The following KCNN1 variants were observed in gnomAD, a reference collection of about 807,000 sequenced individuals.
KCNN1 encodes the protein potassium calcium-activated channel subfamily N member 1.
KCNN1 carries 20 observed loss-of-function variants against 44.7 expected under a neutral mutation model. The ratio of observed to expected loss-of-function variants is 0.45; its 90% CI spans 0.32 to 0.65. KCNN1 has a LOEUF of 0.65. KCNN1 is among the 30% of genes least tolerant of loss of function. KCNN1 has a pLI of 0.05. For missense variants in KCNN1, 632 were observed against 785.3 expected (o/e 0.80, Z 2.33); for synonymous variants, 324 against 341.7 (o/e 0.95, Z 0.57).
chr19:17,988,367 G>A, intron 5 of KCNN1, 48 bp from the exon 6 acceptor site: 1 of 1,492,616 alleles, frequency 6.7e-7, no homozygotes, highest in Non-Finnish European at 9.2e-7. Flanking sequence ...GGAGGAGGGA[G>A]TGACCTCAAG....
At chr19:17,987,115 CT>C (rs796678708) in intron 5 of KCNN1, among the ~76,000 whole-genome samples, 191 of 141,374 alleles carry the variant, frequency 1.4e-3, no homozygotes, top group East Asian at 1.7e-3. Context: ...CCCTTTTTTT[CT>C]TTTTTTTTTT....
intron 5 of KCNN1, 49 bp from the exon 6 acceptor site, chr19:17,988,366 A>T (rs1158242497): frequency 1.4e-6 from 2 of 1,476,504 alleles, no homozygotes; most frequent in Non-Finnish European, 1.9e-6. Context: ...TGGAGGAGGG[A>T]GTGACCTCAA....
At chr19:17,986,593 CCT>C (rs1277716581) in intron 5 of KCNN1, among the ~76,000 whole-genome samples, 10 of 152,120 alleles carry the variant, frequency 6.6e-5, no homozygotes, top group East Asian at 1.9e-4. Context: ...CTGTCCATCC[CCT>C]CTTTCCAGAG....
intron 2 of KCNN1, among the ~76,000 whole-genome samples, chr19:17,955,632 G>A (rs952209487): frequency 1.3e-5 from 2 of 150,582 alleles, no homozygotes; most frequent in African/African-American, 4.9e-5. Context: ...TATATATCAT[G>A]ATGATGATAG....
At position 17,998,403 on chromosome 19, in the gene KCNN1, G is replaced by T; in HGVS notation, c.1629G>T (p.Gly543=). 6.8e-7 allele frequency: 1 copy of T among 1,472,728 alleles called. No individual in the cohort carries two copies. The highest frequency in any genetic ancestry group is 8.9e-7 in the Non-Finnish European group (1 of 1,118,846). 91.2% of individuals were successfully genotyped at this position (1,472,728 alleles called of 1,614,324 possible). ...CGCCCGTGGCCCCCTCGGACTGCGG[G>T]TGACGGCCCTGCCCGCCACCAGACC... ...RWTPVAPSDC[G] is the part of the protein sequence containing the mutation. Residue 543 remains glycine, a synonymous_variant, in exon 10 of 10, where the codon GGG becomes GGT. Coordinates refer to ENST00000684775, the MANE Select transcript of KCNN1 (RefSeq NM_001386974.1). This position sits in a 1 kb window ranked among gnomAD's most constrained non-coding sequence, Gnocchi z 5.4.
rs1200829402 is a variant in KCNN1, at chr19:17,967,293, C to G, written c.-106C>G. 7 of 985,380 alleles carry G rather than the reference C, an allele frequency of 7.1e-6. No individual in the cohort carries two copies. The highest frequency in any genetic ancestry group is 4.6e-5 in the South Asian group (1 of 21,616). 61.0% of individuals were successfully genotyped at this position (985,380 alleles called of 1,614,324 possible). On this transcript the variant is annotated 5_prime_UTR_variant, in exon 1 of 10. Coordinates refer to ENST00000684775, the MANE Select transcript of KCNN1 (RefSeq NM_001386974.1). ...GGACCCTCTCCCCTCCAGCCTTGTC[C>G]GCCCGCTCGGGCCGAGCCCCGCAGG... is the stretch of plus-strand genomic sequence containing the variant.
At position 17,993,141 on chromosome 19, in the gene KCNN1, G is replaced by C; in HGVS notation, c.1307+79G>C. 2 of 1,553,706 alleles carry C rather than the reference G, an allele frequency of 1.3e-6. No homozygotes were observed. Among genetic ancestry groups the C allele is most frequent in the South Asian group, 2.3e-5 (2 of 88,832 alleles). On this transcript the variant is annotated intron_variant, in intron 8 of 9. Coordinates refer to ENST00000684775, the MANE Select transcript of KCNN1 (RefSeq NM_001386974.1). This position sits in a 1 kb window ranked among gnomAD's most constrained non-coding sequence, Gnocchi z 4.5. ...GTCACAGACAGGGGGTACACCCGGGGCATGCCAACCCCAGCCTCAGAGGCG... is the reference window on the plus strand; with the variant it reads ...GTCACAGACAGGGGGTACACCCGGGCCATGCCAACCCCAGCCTCAGAGGCG...
rs1347018004 is a variant in KCNN1, at chr19:17,993,189, T to C, written c.1307+127T>C. On this transcript the variant is annotated intron_variant, in intron 8 of 9. Transcript: ENST00000684775. This position sits in a 1 kb window ranked among gnomAD's most constrained non-coding sequence, Gnocchi z 4.5. ...GCGGGCAGGGTTCACATCTGCCCCA[T>C]GGATCCGTGCAGGCTTCACCTTGGT... 3 of 1,147,076 alleles carry C rather than the reference T, an allele frequency of 2.6e-6. No individual in the cohort carries two copies. In the East Asian group the frequency reaches 7.4e-5, roughly 28 times the overall value. 71.1% of individuals were successfully genotyped at this position (1,147,076 alleles called of 1,614,324 possible). A position where few individuals can be genotyped will look rare whatever the true frequency, so the allele number is the denominator to read the frequency against.
intron 1 of KCNN1, among the ~76,000 whole-genome samples, chr19:17,969,558 C>T (rs189029265): frequency 5.3e-5 from 8 of 152,336 alleles, no homozygotes; most frequent in African/African-American, 1.7e-4. Context: ...CTCCCCACCC[C>T]CTCCCTGCCC....
intron 6 of KCNN1, among the ~76,000 whole-genome samples, chr19:17,989,318 C>T (rs1411410146): frequency 6.6e-6 from 1 of 152,154 alleles, no homozygotes; most frequent in South Asian, 2.1e-4. Flanking sequence ...ATTAGCTGAG[C>T]GTGATCGCAG....
rs2032157598 is a variant in KCNN1, at chr19:17,974,988, C to T, written c.403-104C>T. Reference sequence around the variant, plus strand: ...GTGGGAGAAGCCACTGGGAAGAGCCCCATTTAGCTGACTCCCATGCCCGGG... The same window carrying T: ...GTGGGAGAAGCCACTGGGAAGAGCCTCATTTAGCTGACTCCCATGCCCGGG... On this transcript the variant is annotated intron_variant, in intron 2 of 9. Transcript: ENST00000684775. This position sits in a 1 kb window ranked among gnomAD's most constrained non-coding sequence, Gnocchi z 7.3. 2.5e-6 allele frequency: 2 copies of T among 812,592 alleles called. No homozygotes were observed. The highest frequency in any genetic ancestry group is 4.2e-6 in the Non-Finnish European group (2 of 471,350). 50.3% of individuals were successfully genotyped at this position (812,592 alleles called of 1,614,324 possible). A position where few individuals can be genotyped will look rare whatever the true frequency, so the allele number is the denominator to read the frequency against.
At chr19:17,989,919 CTCT>C in intron 7 of KCNN1, 76 bp downstream of exon 7, 1 of 1,603,732 alleles carries the variant, frequency 6.2e-7, no homozygotes, top group Non-Finnish European at 8.5e-7. Flanking sequence ...TCTGTGTGGC[CTCT>C]TCACGGCTCC....
Position 17,983,615 on chromosome 19 carries a change from G to T in KCNN1, c.917+1488G>T, listed in dbSNP as rs1815786973. On this transcript the variant is annotated intron_variant, in intron 4 of 9. Transcript: ENST00000684775. This position sits in a 1 kb window ranked among gnomAD's most constrained non-coding sequence, Gnocchi z 4.5. ...CTGGGGGGGTGGGGCACGGGGCAGG[G>T]CCGGCAGGCAGCCAATCCTAAATTC... Among the ~76,000 whole-genome samples, 1 of 152,126 alleles carries T rather than the reference G, an allele frequency of 6.6e-6. No individual in the cohort carries two copies. Among genetic ancestry groups the T allele is most frequent in the Non-Finnish European group, 1.5e-5 (1 of 67,984 alleles).
At chr19:17,971,410 G>C (rs555317637) in intron 1 of KCNN1, among the ~76,000 whole-genome samples, 3 of 152,268 alleles carry the variant, frequency 2.0e-5, no homozygotes, top group African/African-American at 7.2e-5. Context: ...AAAGGAGCCG[G>C]GTCCGGAATC....
rs4808732 is a variant in KCNN1, at chr19:17,998,147, C to T, written c.1378-5C>T. The T allele has an allele frequency of 7.6e-6, 12 of 1,578,968 alleles. No homozygotes were observed. The highest frequency in any genetic ancestry group is 1.1e-5 in the South Asian group (1 of 86,984). On this transcript the variant is annotated splice_region_variant and splice_polypyrimidine_tract_variant and intron_variant, in intron 9 of 9. Transcript: ENST00000684775. This position sits in a 1 kb window ranked among gnomAD's most constrained non-coding sequence, Gnocchi z 5.4. The stretch of plus-strand genomic sequence containing the variant: ...CTCTCTCCTGCCCCTCTCTGTCTCC[C>T]GCAGACCCAGACCGTCATGTACGAC...
chr19:17,996,901 CGTCCT>C (rs933325592), intron 9 of KCNN1, among the ~76,000 whole-genome samples: 54 of 152,326 alleles, frequency 3.5e-4, no homozygotes, highest in African/African-American at 1.3e-3. Context: ...GTGGGCACCT[CGTCCT>C]GTCCTGTCTT....
At chr19:17,982,730 G>A (rs1363839298) in intron 4 of KCNN1, among the ~76,000 whole-genome samples, 3 of 152,160 alleles carry the variant, frequency 2.0e-5, no homozygotes, top group African/African-American at 4.8e-5. Flanking sequence ...AAGTCACCCC[G>A]TCACGGGGGC....
chr19:17,953,405 C>T (rs1260749035), intron 1 of KCNN1, among the ~76,000 whole-genome samples: 1 of 152,216 alleles, frequency 6.6e-6, no homozygotes, highest in Non-Finnish European at 1.5e-5. Context: ...CCAAGGTGAC[C>T]ATTGCCCCGA....
At chr19:17,988,561 G>A in intron 6 of KCNN1, 36 bp downstream of exon 6, 1 of 1,487,658 alleles carries the variant, frequency 6.7e-7, no homozygotes, top group Non-Finnish European at 9.3e-7. Context: ...CCGCCTCCTG[G>A]CCTTGTCAGC....
Sources: gnomAD v4.1 joint callset for allele counts (sites outside exome capture counted in the v4.1 genomes callset) on GRCh38, gnomAD v4.1.1 for gene constraint, Gnocchi (gnomAD v3.1) non-coding constraint, MANE v1.5 for transcripts, NCBI Gene and HGNC (gene_info 2026-07-23, HGNC 2026-07-21) for gene names.